ADCY7: variants seen among roughly 807,000 people sequenced by gnomAD.
ADCY7 encodes adenylate cyclase type 7.
ADCY7 carries 72 observed loss-of-function variants against 120.6 expected under a neutral mutation model. The ratio of observed to expected loss-of-function variants is 0.60; its 90% CI spans 0.49 to 0.73. The LOEUF (loss-of-function observed/expected upper bound fraction) is 0.73, where lower values mean the gene tolerates loss of function less well. Ranked by LOEUF, ADCY7 falls within the 30% of genes least tolerant of loss-of-function variation. The probability of loss-of-function intolerance (pLI) is 0.00; values close to 1 mark genes in which losing one functional copy is unlikely to be tolerated. For missense variants in ADCY7, 1,227 were observed against 1,486.0 expected, an observed-to-expected ratio of 0.83 and a Z score of 2.87; for synonymous variants, 661 against 628.0, an observed-to-expected ratio of 1.05 and a Z score of -0.78.
In ADCY7 at chr16:50,292,671, C is replaced by T. The variant is rs559435208; in HGVS notation, c.538-5C>T. The T allele has an allele frequency of 1.6e-5, 26 of 1,613,412 alleles. No homozygotes were observed. The highest frequency in any genetic ancestry group is 2.2e-5 in the East Asian group (1 of 44,884). ...ATAATGAGCCAAACCCCTGTCTACC[C>T]GCAGCTGCTGGCCAACGCAGTCATC... On this transcript the variant is annotated splice_region_variant and splice_polypyrimidine_tract_variant and intron_variant, in intron 4 of 25. Transcript: ENST00000673801.
intron 1 of ADCY7, among the ~76,000 whole-genome samples, chr16:50,286,985 A>T (rs2034620539): frequency 6.6e-6 from 1 of 151,626 alleles, no homozygotes; most frequent in South Asian, 2.1e-4. Flanking sequence ...TGTGCTGTCC[A>T]GTACAGCAGC....
At chr16:50,274,269 C>T (rs11859543) in intron 1 of ADCY7, 67,330 of 151,864 alleles carry the variant, frequency 0.44, 15,476 homozygotes, top group East Asian at 0.69. Context: ...TCGGGGGCCA[C>T]GGGGCTCCTG....
intron 1 of ADCY7, among the ~76,000 whole-genome samples, chr16:50,280,612 C>G (rs778764372): frequency 3.3e-5 from 5 of 152,224 alleles, no homozygotes; most frequent in Admixed American, 6.5e-5. Context: ...ACTACCCTAG[C>G]TGTGTCCCAA....
Position 50,275,684 on chromosome 16 carries a change from G to A in ADCY7, c.-269+9004G>A, listed in dbSNP as rs1277224100. Among the ~76,000 whole-genome samples, 6 of 152,150 alleles carry A rather than the reference G, an allele frequency of 3.9e-5. 1 individual carries two copies. Among genetic ancestry groups the A allele is most frequent in the East Asian group, 3.9e-4 (2 of 5,194 alleles). On this transcript the variant is annotated intron_variant, in intron 1 of 25. Transcript: ENST00000673801. ...AATGGCTGTGGATGTGTGTGGCTGC[G>A]CATATGTAGCTTTTCATGTTCCTGC...
In ADCY7 at chr16:50,297,846, G is replaced by A. The variant is rs2035456747; in HGVS notation, c.949-1058G>A. On this transcript the variant is annotated intron_variant, in intron 7 of 25. Coordinates refer to ENST00000673801, the MANE Select transcript of ADCY7 (RefSeq NM_001114.5). The surrounding 1 kb of genome is among the most constrained non-coding windows in gnomAD (Gnocchi z 4.4). ...CCAGAGCACAGGGCCACCTGCTGGG[G>A]CGTCCAGTCCGAGGGTCAGCTGAGT... Among the ~76,000 whole-genome samples, 1 of 152,178 alleles carries A rather than the reference G, an allele frequency of 6.6e-6. No homozygotes were observed. The highest frequency in any genetic ancestry group is 1.5e-5 in the Non-Finnish European group (1 of 68,024).
intron 1 of ADCY7, among the ~76,000 whole-genome samples, chr16:50,286,959 A>G (rs914165203): frequency 6.6e-6 from 1 of 152,050 alleles, no homozygotes; most frequent in Non-Finnish European, 1.5e-5. Context: ...GTGATGATAG[A>G]CATTCTCTGT....
intron 1 of ADCY7, among the ~76,000 whole-genome samples, chr16:50,267,634 G>GGC (rs1338075067): frequency 1.3e-5 from 2 of 152,324 alleles, no homozygotes; most frequent in South Asian, 4.1e-4. Context: ...CTCGGAGTGA[G>GGC]GACCGGGCTG....
At chr16:50,313,059 G>C in intron 22 of ADCY7, 23 bp downstream of exon 22, 1 of 1,613,266 alleles carries the variant, frequency 6.2e-7, no homozygotes, top group Non-Finnish European at 8.5e-7. Flanking sequence ...GCCCAGCCTT[G>C]CGCAGCAGCC....
At chr16:50,303,774 C>T (rs1008895341) in intron 10 of ADCY7, among the ~76,000 whole-genome samples, 18 of 151,886 alleles carry the variant, frequency 1.2e-4, no homozygotes, top group Admixed American at 1.1e-3. Flanking sequence ...AGTGGAACTC[C>T]CTGGATCGCT....
chr16:50,299,146 TGGG>T lies in ADCY7; in HGVS notation c.1076+118_1076+120del. On this transcript the variant is annotated intron_variant, in intron 8 of 25. Coordinates refer to ENST00000673801, the MANE Select transcript of ADCY7 (RefSeq NM_001114.5). The stretch of plus-strand genomic sequence containing the variant: ...ATGGGGAAACTGAGGCTCGGGGGGT[TGGG>T]GGTGAAAGCAGCTTGCCTGGACCAC... 4 of 1,379,072 alleles carry T rather than the reference TGGG, an allele frequency of 2.9e-6. No homozygotes were observed. The East Asian group carries it at 1.0e-4, about 35-fold the overall frequency. 85.4% of individuals were successfully genotyped at this position (1,379,072 alleles called of 1,614,324 possible).
rs759495266 is a variant in ADCY7 at position 50,290,597 on chromosome 16, G to A, written c.312G>A (p.Leu104=). 6.2e-7 allele frequency: 1 copy of A among 1,614,174 alleles called. No individual in the cohort carries two copies. Among genetic ancestry groups the A allele is most frequent in the East Asian group, 2.2e-5 (1 of 44,884 alleles). Reference sequence around the variant, plus strand: ...TGGCGCTGCTCACCTGGGCCTGCTTGGTGGCGCTGGGCTATGTGCTGGTGT... The same window carrying A: ...TGGCGCTGCTCACCTGGGCCTGCTTAGTGGCGCTGGGCTATGTGCTGGTGT... ...RALALLTWAC[L]VALGYVLVFD... Residue 104 remains leucine (L), a synonymous_variant, in exon 3 of 26, where the codon TTG becomes TTA. Coordinates refer to ENST00000673801, the MANE Select transcript of ADCY7 (RefSeq NM_001114.5).
intron 1 of ADCY7, among the ~76,000 whole-genome samples, chr16:50,278,589 CTCT>C (rs1165999615): frequency 6.6e-6 from 1 of 152,126 alleles, no homozygotes; most frequent in African/African-American, 2.4e-5. Context: ...ACTTATCAGT[CTCT>C]TCTTTATGGC....
At chr16:50,294,855 G>A in intron 7 of ADCY7, 104 bp downstream of exon 7, 1 of 772,210 alleles carries the variant, frequency 1.3e-6, no homozygotes, top group Non-Finnish European at 2.1e-6. Flanking sequence ...GGATGGGGAG[G>A]CGTGGCTGAA....
intron 1 of ADCY7, among the ~76,000 whole-genome samples, chr16:50,259,901 G>T (rs565525830): frequency 6.6e-6 from 1 of 152,316 alleles, no homozygotes; most frequent in African/African-American, 2.4e-5. Context: ...TGAGCCCACA[G>T]CTGAGAAGAG....
At position 50,307,035 on chromosome 16, in the gene ADCY7, C is replaced by T; in HGVS notation, c.1753-15C>T. 1.9e-6 allele frequency: 3 copies of T among 1,602,222 alleles called. No homozygotes were observed. The highest frequency in any genetic ancestry group is 2.5e-6 in the Non-Finnish European group (3 of 1,177,470). ...ACTGCTGGTGGCCACCCCTCACAGT[C>T]CCTGCTGCCCCCAGTACCGCCTGGC... is the stretch of plus-strand genomic sequence containing the variant. On this transcript the variant is annotated splice_polypyrimidine_tract_variant and intron_variant, in intron 14 of 25. Transcript: ENST00000673801.
At chr16:50,289,935 G>C (rs1355604313) in intron 2 of ADCY7, among the ~76,000 whole-genome samples, 1 of 152,216 alleles carries the variant, frequency 6.6e-6, no homozygotes, top group Non-Finnish European at 1.5e-5. Flanking sequence ...CCAGCCCCCA[G>C]ATCAGGCCTC....
At chr16:50,290,743 C>T (rs2034898022) in intron 3 of ADCY7, 83 bp downstream of exon 3, 8 of 1,442,484 alleles carry the variant, frequency 5.5e-6, no homozygotes, top group South Asian at 3.9e-5. Context: ...ACAGGCCCTT[C>T]GTGCCCCACG....
chr16:50,309,459 C>A, intron 17 of ADCY7, 89 bp from the exon 18 acceptor site: 1 of 1,073,370 alleles, frequency 9.3e-7, no homozygotes, highest in Non-Finnish European at 1.4e-6. Context: ...TGCTGTGATA[C>A]TCATGGTTGC....
chr16:50,304,659 TA>T, intron 11 of ADCY7, 108 bp downstream of exon 11: 2 of 1,215,626 alleles, frequency 1.6e-6, no homozygotes, highest in African/African-American at 1.5e-5. Context: ...TCCCCATCTG[TA>T]AAATGGCCAC....
Sources: gnomAD v4.1 joint callset for allele counts (sites outside exome capture counted in the v4.1 genomes callset) on GRCh38, gnomAD v4.1.1 for gene constraint, Gnocchi (gnomAD v3.1) non-coding constraint, MANE v1.5 for transcripts, NCBI Gene and HGNC (gene_info 2026-07-23, HGNC 2026-07-21) for gene names.